WDR81: variants seen among roughly 807,000 people sequenced by gnomAD.
The protein encoded by WDR81 is WD repeat domain 81.
Under a neutral mutation model 140.8 loss-of-function variants are expected in WDR81, and 92 were observed. The observed-to-expected ratio is 0.65, with a 90% CI of 0.55 to 0.78. The LOEUF is 0.78. Ranked by LOEUF, WDR81 falls within the 30% of genes least tolerant of loss-of-function variation. The pLI is 0.00. For missense variants in WDR81, 2,502 were observed against 2,636.4 expected, an observed-to-expected ratio of 0.95 and a Z score of 1.12; for synonymous variants, 1,183 against 1,156.4, an observed-to-expected ratio of 1.02 and a Z score of -0.47.
At position 1,728,353 on chromosome 17, in the gene WDR81, G is replaced by A. The variant is rs199835827; in HGVS notation, c.3394G>A (p.Val1132Met). ...ERAPDEGGAP[V>M]DKSSLRSGDS... is the part of the protein sequence containing the mutation. ...GGCTCCAGACGAGGGGGGTGCCCCC[G>A]TGGACAAGAGCAGCCTTCGATCAGG... is the stretch of plus-strand genomic sequence containing the variant. Residue 1132 changes from valine (V) to methionine (M), a missense_variant, in exon 1 of 10, where the codon GTG becomes ATG. This residue lies in a region of WDR81 where 1,737 missense variants were observed against 1,843.0 expected (regional missense o/e 0.94). Transcript: ENST00000409644. 9.7e-5 allele frequency: 157 copies of A among 1,612,824 alleles called. No homozygotes were observed. The African/African-American group carries it at 1.3e-3, about 14-fold the overall frequency.
Position 1,738,521 on chromosome 17 carries a change from C to T in WDR81, c.*836C>T, listed in dbSNP as rs1171341798. On this transcript the variant is annotated 3_prime_UTR_variant, in exon 10 of 10. Transcript: ENST00000409644. ...ACAGAGATGAGGTCCAGGGGTTGGC[C>T]CCTGCTGCCTTCTCACAATTTGCAA... The T allele has an allele frequency of 6.6e-6, 1 of 152,642 alleles. No individual in the cohort carries two copies. Among genetic ancestry groups the T allele is most frequent in the Admixed American group, 6.5e-5 (1 of 15,290 alleles). 9.5% of individuals were successfully genotyped at this position (152,642 alleles called of 1,614,324 possible).
upstream of WDR81, among the ~76,000 whole-genome samples, chr17:1,724,197 T>C (rs762262615): frequency 5.3e-5 from 8 of 151,916 alleles, no homozygotes; most frequent in Non-Finnish European, 8.8e-5. Context: ...ACCCCATCTC[T>C]ACTAAAAAAT....
intron 2 of WDR81, 83 bp from the exon 3 acceptor site, chr17:1,730,672 C>A: frequency 6.7e-7 from 1 of 1,489,414 alleles, no homozygotes; most frequent in Non-Finnish European, 9.0e-7. Flanking sequence ...AGAGTGAGCT[C>A]AAGCGGCCAG....
At chr17:1,720,168 C>T (rs190273984), upstream of WDR81, among the ~76,000 whole-genome samples, 440 of 152,300 alleles carry the variant, frequency 2.9e-3, 5 homozygotes, top group African/African-American at 9.9e-3. Flanking sequence ...TGACCCCGCT[C>T]AACATGGGCT....
Sources: allele counts gnomAD v4.1 joint callset (sites outside exome capture counted in the v4.1 genomes callset), GRCh38; gene constraint gnomAD v4.1.1; regional missense constraint gnomAD v4.1.1; transcripts MANE v1.5; gene names NCBI Gene and HGNC (gene_info 2026-07-23, HGNC 2026-07-21).